Variants in PCDH15 observed in about 807,000 individuals in gnomAD.
PCDH15 encodes the protein protocadherin-15.
Under a neutral mutation model 178.5 loss-of-function variants are expected in PCDH15, and 129 were observed. The observed-to-expected ratio is 0.72, with a 90% CI of 0.63 to 0.84. PCDH15 has a LOEUF of 0.84. PCDH15 is among the 40% of genes least tolerant of loss of function. The probability of loss-of-function intolerance (pLI) is 0.00; values close to 1 mark genes in which losing one functional copy is unlikely to be tolerated. For synonymous variants in PCDH15, 800 were observed against 732.0 expected (o/e 1.09, Z -1.50); for missense variants, 2,230 against 2,099.9 (o/e 1.06, Z -1.21).
At chr10:55,518,281 T>C (rs983077650) in intron 2 of PCDH15, among the ~76,000 whole-genome samples, 1 of 152,122 alleles carries the variant, frequency 6.6e-6, no homozygotes, top group Non-Finnish European at 1.5e-5. Flanking sequence ...GATATTGCAA[T>C]AGTAGCTTAC....
chr10:55,166,232 C>T (rs907756435), intron 2 of PCDH15, among the ~76,000 whole-genome samples: 1 of 152,102 alleles, frequency 6.6e-6, no homozygotes, highest in Non-Finnish European at 1.5e-5. Flanking sequence ...GTGTCTACTA[C>T]TTTACTGCCA....
chr10:55,593,810 G>C (rs1416251145), intron 2 of PCDH15, among the ~76,000 whole-genome samples: 1 of 151,582 alleles, frequency 6.6e-6, no homozygotes, highest in Non-Finnish European at 1.5e-5. Flanking sequence ...CTCATATCTA[G>C]GGATCTAATT....
At chr10:53,913,167 A>T (rs1323599219) in intron 25 of PCDH15, among the ~76,000 whole-genome samples, 2 of 152,134 alleles carry the variant, frequency 1.3e-5, no homozygotes, top group Non-Finnish European at 2.9e-5. Flanking sequence ...TCTTTGACAA[A>T]CTGACAGAAA....
At chr10:55,111,256 T>G (rs1837493784) in intron 2 of PCDH15, among the ~76,000 whole-genome samples, 1 of 152,174 alleles carries the variant, frequency 6.6e-6, no homozygotes, top group Non-Finnish European at 1.5e-5. Flanking sequence ...CTATAAATCC[T>G]CTTAAAACAA....
At chr10:53,926,262 C>T (rs1233604445) in intron 25 of PCDH15, among the ~76,000 whole-genome samples, 1 of 152,160 alleles carries the variant, frequency 6.6e-6, no homozygotes, top group East Asian at 1.9e-4. Flanking sequence ...CATGTTAATT[C>T]CCTGCTTTAA....
chr10:54,255,061 G>A (rs781756375), intron 8 of PCDH15, among the ~76,000 whole-genome samples: 11 of 152,164 alleles, frequency 7.2e-5, no homozygotes, highest in Non-Finnish European at 1.6e-4. Flanking sequence ...ACACTGGTGG[G>A]GGTGACCCCA....
chr10:55,091,647 G>T (rs1468588800), intron 2 of PCDH15, among the ~76,000 whole-genome samples: 3 of 151,798 alleles, frequency 2.0e-5, no homozygotes, highest in Non-Finnish European at 4.4e-5. Context: ...ATTTAAATAT[G>T]AGGAATAGTT....
At chr10:54,657,524 C>A (rs1004416580) in intron 2 of PCDH15, among the ~76,000 whole-genome samples, 1 of 152,164 alleles carries the variant, frequency 6.6e-6, no homozygotes, top group African/African-American at 2.4e-5. Flanking sequence ...CTCAGCCTCG[C>A]AGGAGATAGT....
intron 8 of PCDH15, among the ~76,000 whole-genome samples, chr10:54,299,595 C>T (rs776376584): frequency 3.3e-5 from 5 of 152,198 alleles, no homozygotes; most frequent in Non-Finnish European, 5.9e-5. Flanking sequence ...CAGCAGGTTT[C>T]CAAACAGGGA....
intron 1 of PCDH15, among the ~76,000 whole-genome samples, chr10:55,210,618 C>CTTTTCT (rs1840538187): frequency 2.5e-5 from 1 of 40,332 alleles, no homozygotes; most frequent in Non-Finnish European, 4.0e-5. Flanking sequence ...TTTTTCTTTT[C>CTTTTCT]TTTTTTTTTT....
chr10:54,666,388 G>C (rs1207593880), intron 1 of PCDH15, among the ~76,000 whole-genome samples: 1 of 152,000 alleles, frequency 6.6e-6, no homozygotes, highest in Admixed American at 6.6e-5. Context: ...AGACACTTCT[G>C]CTCATTCCAT....
At chr10:54,764,029 C>T (rs1731264424) in intron 1 of PCDH15, among the ~76,000 whole-genome samples, 1 of 151,440 alleles carries the variant, frequency 6.6e-6, no homozygotes, top group African/African-American at 2.4e-5. Context: ...GATCTTTTAC[C>T]ATGGTTTTCT....
chr10:54,207,486 C>A (rs192110956), intron 10 of PCDH15, among the ~76,000 whole-genome samples: 1 of 151,850 alleles, frequency 6.6e-6, no homozygotes, highest in Non-Finnish European at 1.5e-5. Flanking sequence ...AAACTTAACT[C>A]ATTAAAACAA....
intron 2 of PCDH15, among the ~76,000 whole-genome samples, chr10:54,958,119 A>G (rs1838538497): frequency 6.6e-6 from 1 of 151,824 alleles, no homozygotes; most frequent in Non-Finnish European, 1.5e-5. Flanking sequence ...CTAAAACTTT[A>G]CCGTTTTTTG....
intron 9 of PCDH15, among the ~76,000 whole-genome samples, chr10:54,235,018 A>T (rs1381533441): frequency 3.9e-5 from 6 of 152,030 alleles, no homozygotes; most frequent in Non-Finnish European, 8.8e-5. Context: ...TGTTTCTGAA[A>T]CCCACCTGGC....
At chr10:54,565,111 T>G (rs940324063) in intron 2 of PCDH15, among the ~76,000 whole-genome samples, 1 of 152,168 alleles carries the variant, frequency 6.6e-6, no homozygotes, top group African/African-American at 2.4e-5. Context: ...TTCACTTGGA[T>G]TCTAATCACA....
intron 3 of PCDH15, among the ~76,000 whole-genome samples, chr10:54,492,335 G>A (rs537042060): frequency 1.3e-5 from 2 of 152,280 alleles, no homozygotes; most frequent in African/African-American, 4.8e-5. Context: ...CAAATACTGT[G>A]AGTCTTCAGG....
chr10:55,519,432 T>C (rs942830435), intron 2 of PCDH15, among the ~76,000 whole-genome samples: 3 of 151,796 alleles, frequency 2.0e-5, no homozygotes, highest in African/African-American at 7.3e-5. Flanking sequence ...GGAACGGAAG[T>C]AAGTGTGGTT....
intron 20 of PCDH15, among the ~76,000 whole-genome samples, chr10:54,015,216 T>C (rs777362869): frequency 1.3e-5 from 2 of 152,122 alleles, no homozygotes; most frequent in African/African-American, 2.4e-5. Context: ...GAAAAATCTC[T>C]ACAATGAGAA....
Sources: allele counts gnomAD v4.1 joint callset (sites outside exome capture counted in the v4.1 genomes callset), GRCh38; gene constraint gnomAD v4.1.1; transcripts MANE v1.5; gene names NCBI Gene and HGNC (gene_info 2026-07-23, HGNC 2026-07-21).